PIEZO2: variants seen among roughly 807,000 people sequenced by gnomAD.
PIEZO2 encodes piezo-type mechanosensitive ion channel component 2.
A neutral mutation model predicts 337.3 loss-of-function variants in PIEZO2; 172 were observed. That is an observed-to-expected ratio of 0.51 (90% CI 0.45 to 0.58). The LOEUF is 0.58. Among genes scored for constraint, PIEZO2 ranks in the 20% least tolerant of loss-of-function variants. The pLI is 0.00. For synonymous variants in PIEZO2, 1,251 were observed against 1,228.5 expected (o/e 1.02, Z -0.38); for missense variants, 3,028 against 3,391.3 (o/e 0.89, Z 2.66).
In PIEZO2 at chr18:10,728,932, G is replaced by A. The variant is rs192144176; in HGVS notation, c.5029+2475C>T. ...ATGGCGCCACTGCACTCCAGCCTGG[G>A]CGACAGAGCAAGACTCTGTCTCAAA... On this transcript the variant is annotated intron_variant, in intron 36 of 55. Coordinates refer to ENST00000674853, the MANE Select transcript of PIEZO2 (RefSeq NM_001378183.1). 5.4e-3 allele frequency among the ~76,000 whole-genome samples: 793 copies of A among 146,826 alleles called. 6 individuals are homozygous for A. The highest frequency in any genetic ancestry group is 0.019 in the African/African-American group (743 of 39,416).
chr18:11,113,740 G>T (rs1009631668), intron 1 of PIEZO2, among the ~76,000 whole-genome samples: 6 of 152,180 alleles, frequency 3.9e-5, no homozygotes, highest in Non-Finnish European at 8.8e-5. Flanking sequence ...CATCCCCTTA[G>T]CACATTCTCT....
rs2145487952 is a variant in PIEZO2, at chr18:10,979,747, A to G, written c.161-87T>C. 8.1e-7 allele frequency: 1 copy of G among 1,227,562 alleles called. No homozygotes were observed. The highest frequency in any genetic ancestry group is 1.1e-6 in the Non-Finnish European group (1 of 940,568). 76.0% of individuals were successfully genotyped at this position (1,227,562 alleles called of 1,614,324 possible). The stretch of plus-strand genomic sequence containing the variant: ...TCTTGTACATATTTCTGTATAACCT[A>G]TTAGATAGACCGACTCAAAAGTATA... On this transcript the variant is annotated intron_variant, in intron 2 of 55. Coordinates refer to ENST00000674853, the MANE Select transcript of PIEZO2 (RefSeq NM_001378183.1). This position sits in a 1 kb window ranked among gnomAD's most constrained non-coding sequence, Gnocchi z 4.0.
At chr18:11,108,502 T>A (rs1386289901) in intron 1 of PIEZO2, among the ~76,000 whole-genome samples, 1 of 151,106 alleles carries the variant, frequency 6.6e-6, no homozygotes, top group African/African-American at 2.4e-5. Flanking sequence ...TAGTCCCAGC[T>A]ACTCAGGAGG....
rs542524540 is a variant in PIEZO2 at position 10,791,683 on chromosome 18, T to C, written c.1759-359A>G. 249 of 158,254 alleles carry C rather than the reference T, an allele frequency of 1.6e-3. 3 individuals carry two copies. Among genetic ancestry groups the C allele is most frequent in the Non-Finnish European group, 2.5e-3 (183 of 72,004 alleles). The allele number at this position is 158,254 out of a possible 1,614,324, so 9.8% of individuals were successfully genotyped here. On this transcript the variant is annotated intron_variant, in intron 13 of 55. Coordinates refer to ENST00000674853, the MANE Select transcript of PIEZO2 (RefSeq NM_001378183.1). ...CCTGACTGTGACGTCATTACAATTG[T>C]AAAAGGAAGATGTACTTCTTGCATA...
At position 10,855,653 on chromosome 18, in the gene PIEZO2, A is replaced by C; in HGVS notation, c.704-87T>G. 9.2e-7 allele frequency: 1 copy of C among 1,081,584 alleles called. No homozygotes were observed. Among genetic ancestry groups the C allele is most frequent in the Non-Finnish European group, 1.3e-6 (1 of 769,734 alleles). 67.0% of individuals were successfully genotyped at this position (1,081,584 alleles called of 1,614,324 possible). A position where few individuals can be genotyped will look rare whatever the true frequency, so the allele number is the denominator to read the frequency against. ...GAATGTGACTATTTGAAATTATGTG[A>C]ATTTCCTTCAAGTGTTTTTAGGTTT... On this transcript the variant is annotated intron_variant, in intron 6 of 55. Transcript: ENST00000674853. The surrounding 1 kb of genome is among the most constrained non-coding windows in gnomAD (Gnocchi z 4.9).
intron 7 of PIEZO2, among the ~76,000 whole-genome samples, chr18:10,827,119 T>G (rs2040698260): frequency 6.6e-6 from 1 of 152,228 alleles, no homozygotes; most frequent in African/African-American, 2.4e-5. Flanking sequence ...GGATACCTAT[T>G]ACTGGCCTCA....
At chr18:10,714,280 A>G (rs2035928125) in intron 39 of PIEZO2, among the ~76,000 whole-genome samples, 1 of 152,188 alleles carries the variant, frequency 6.6e-6, no homozygotes, top group Non-Finnish European at 1.5e-5. Context: ...AACAATGCAT[A>G]CAATAGTAAA....
rs1258452873 is a variant in PIEZO2, at chr18:10,757,966, T to C, written c.3923+3A>G. On this transcript the variant is annotated splice_donor_region_variant and intron_variant, in intron 27 of 55. Transcript: ENST00000674853. ...CTTTTAGCAAATGTGAAGCTCTTGT[T>C]ACCTGCAGTGAATAAAATCTGGCAC... 25 of 1,533,766 alleles carry C rather than the reference T, an allele frequency of 1.6e-5. No homozygotes were observed. The highest frequency in any genetic ancestry group is 2.2e-5 in the Non-Finnish European group (25 of 1,145,200).
chr18:10,850,406 C>T lies in PIEZO2; in HGVS notation c.917+4947G>A, dbSNP rs2041509799. Among the ~76,000 whole-genome samples, 1 of 152,188 alleles carries T rather than the reference C, an allele frequency of 6.6e-6. No individual in the cohort carries two copies. The highest frequency in any genetic ancestry group is 6.5e-5 in the Admixed American group (1 of 15,284). On this transcript the variant is annotated intron_variant, in intron 7 of 55. Coordinates refer to ENST00000674853, the MANE Select transcript of PIEZO2 (RefSeq NM_001378183.1). The surrounding 1 kb of genome is among the most constrained non-coding windows in gnomAD (Gnocchi z 4.5). ...TTGGCCTAGGACCTGGACACCTGTG[C>T]ATCCTCCAGCAGAAGCAAGCACCCC...
At chr18:10,702,869 T>C (rs895847095) in intron 42 of PIEZO2, among the ~76,000 whole-genome samples, 1 of 152,206 alleles carries the variant, frequency 6.6e-6, no homozygotes, top group East Asian at 1.9e-4. Context: ...TTATTTATTT[T>C]TTTAGAGATG....
At chr18:10,908,240 T>G (rs888084461) in intron 4 of PIEZO2, 12 of 152,266 alleles carry the variant, frequency 7.9e-5, no homozygotes, top group African/African-American at 2.9e-4. Context: ...TTCCTTTCAG[T>G]ATAACAGTTA....
rs2041930921 is a variant in PIEZO2, at chr18:10,863,577, A to G, written c.493-6366T>C. Among the ~76,000 whole-genome samples the G allele has an allele frequency of 6.6e-6, 1 of 152,192 alleles. No individual in the cohort carries two copies. The highest frequency in any genetic ancestry group is 1.5e-5 in the Non-Finnish European group (1 of 68,036). On this transcript the variant is annotated intron_variant, in intron 5 of 55. Coordinates refer to ENST00000674853, the MANE Select transcript of PIEZO2 (RefSeq NM_001378183.1). This position sits in a 1 kb window ranked among gnomAD's most constrained non-coding sequence, Gnocchi z 4.3. ...AGACCAATGCCTAAAGGATCTGTGG[A>G]GCTTTGAAAAAACTAGTCCAATTCC...
At chr18:10,769,383 A>T (rs962519567) in intron 21 of PIEZO2, among the ~76,000 whole-genome samples, 13 of 152,222 alleles carry the variant, frequency 8.5e-5, no homozygotes, top group African/African-American at 3.1e-4. Context: ...TGGAGCTCAA[A>T]TTAAGGTTCA....
intron 35 of PIEZO2, among the ~76,000 whole-genome samples, chr18:10,732,414 T>C (rs2036825261): frequency 6.6e-6 from 1 of 152,222 alleles, no homozygotes; most frequent in African/African-American, 2.4e-5. Context: ...GTTCATCTTA[T>C]TCTATAGTAT....
chr18:10,972,482 C>A lies in PIEZO2; in HGVS notation c.286+7053G>T, dbSNP rs188653570. ...GTGGGGCAGGTGGAGTGAGAGACTGCGGTGGAGAGGTTGCTAAGAAGGTGA... is the reference window on the plus strand; with the variant it reads ...GTGGGGCAGGTGGAGTGAGAGACTGAGGTGGAGAGGTTGCTAAGAAGGTGA... On this transcript the variant is annotated intron_variant, in intron 3 of 55. Transcript: ENST00000674853. Among the ~76,000 whole-genome samples the A allele has an allele frequency of 1.3e-3, 193 of 152,112 alleles. 1 individual carries two copies. Among genetic ancestry groups the A allele is most frequent in the Non-Finnish European group, 5.3e-4 (36 of 67,992 alleles).
Position 11,070,618 on chromosome 18 carries a change from G to T in PIEZO2, c.65-4396C>A, listed in dbSNP as rs150050453. Among the ~76,000 whole-genome samples, 7 of 152,326 alleles carry T rather than the reference G, an allele frequency of 4.6e-5. No individual in the cohort carries two copies. Among genetic ancestry groups the T allele is most frequent in the Non-Finnish European group, 5.9e-5 (4 of 68,040 alleles). On this transcript the variant is annotated intron_variant, in intron 1 of 55. Transcript: ENST00000674853. This position sits in a 1 kb window ranked among gnomAD's most constrained non-coding sequence, Gnocchi z 4.3. ...TTCACAAAAGAAGTCCACTGCAAAA[G>T]GGAGACTAGACTGTCGTGACTGCCG...
rs951710641 is a variant in PIEZO2, at chr18:10,677,250, C to T, written c.8081+497G>A. 6.6e-6 allele frequency among the ~76,000 whole-genome samples: 1 copy of T among 152,286 alleles called. No individual in the cohort carries two copies. The highest frequency in any genetic ancestry group is 6.5e-5 in the Admixed American group (1 of 15,298). On this transcript the variant is annotated intron_variant, in intron 53 of 55. Transcript: ENST00000674853. The surrounding 1 kb of genome is among the most constrained non-coding windows in gnomAD (Gnocchi z 4.1). ...TATTTATTTTTGAAATGGAGTCTCA[C>T]TCTGTTGCCCAGGCTGGAGTGCAGT...
chr18:11,142,843 C>T (rs2040692944), intron 1 of PIEZO2, among the ~76,000 whole-genome samples: 1 of 150,176 alleles, frequency 6.7e-6, no homozygotes, highest in Admixed American at 6.7e-5. Flanking sequence ...CTTTGGGAGG[C>T]CAAGGTCGGG....
chr18:10,730,642 C>T (rs113071513), intron 36 of PIEZO2, among the ~76,000 whole-genome samples: 24 of 152,144 alleles, frequency 1.6e-4, no homozygotes, highest in African/African-American at 5.3e-4. Context: ...ATATATGTTC[C>T]TTTTGTTTGC....
Sources: allele counts gnomAD v4.1 joint callset (sites outside exome capture counted in the v4.1 genomes callset), GRCh38; gene constraint gnomAD v4.1.1; non-coding constraint Gnocchi (gnomAD v3.1); transcripts MANE v1.5; gene names NCBI Gene and HGNC (gene_info 2026-07-23, HGNC 2026-07-21).